CCSAP: variants seen among roughly 807,000 people sequenced by gnomAD.
CCSAP encodes the protein centriole, cilia and spindle associated protein.
A neutral mutation model predicts 25.9 loss-of-function variants in CCSAP; 17 were observed. The observed-to-expected ratio is 0.66, with a 90% CI of 0.45 to 0.99. The LOEUF is 0.99. Among genes scored for constraint, CCSAP ranks in the 50% least tolerant of loss-of-function variants. The pLI is 0.00. For synonymous variants in CCSAP, 169 were observed against 157.1 expected, an observed-to-expected ratio of 1.08 and a Z score of -0.57; for missense variants, 339 against 367.8, an observed-to-expected ratio of 0.92 and a Z score of 0.64.
In CCSAP at chr1:229,342,410, C is replaced by T; in HGVS notation, c.56G>A (p.Arg19His). Residue 19 changes from arginine to histidine, a missense_variant, in exon 2 of 4, where the codon CGC becomes CAC. Physicochemically the swap from Arg to His is conservative, Grantham distance 29 (BLOSUM62 0). Transcript: ENST00000284617. This position sits in a 1 kb window ranked among gnomAD's most constrained non-coding sequence, Gnocchi z 7.5. ...SEYMKRYQEP[R>H]WEEYGPCYRE... is the part of the protein sequence containing the mutation. ...GTAGCACGGCCCGTACTCCTCCCAG[C>T]GCGGCTCCTGGTAGCGCTTCATGTA... 1 of 1,458,720 alleles carries T rather than the reference C, an allele frequency of 6.9e-7. No individual in the cohort carries two copies. 90.4% of individuals were successfully genotyped at this position (1,458,720 alleles called of 1,614,324 possible). A position where few individuals can be genotyped will look rare whatever the true frequency, so the allele number is the denominator to read the frequency against.
At position 229,342,013 on chromosome 1, in the gene CCSAP, G is replaced by T; in HGVS notation, c.367+86C>A. 1 of 1,252,880 alleles carries T rather than the reference G, an allele frequency of 8.0e-7. No homozygotes were observed. Among genetic ancestry groups the T allele is most frequent in the Non-Finnish European group, 1.0e-6 (1 of 998,014 alleles). The allele number at this position is 1,252,880 out of a possible 1,614,324, so 77.6% of individuals were successfully genotyped here. A position where few individuals can be genotyped will look rare whatever the true frequency, so the allele number is the denominator to read the frequency against. ...AAAGGAAGAGCCAGCCCCGAGTGGC[G>T]CAAGAAATAAGAGATCAGCTGCTCA... is the stretch of plus-strand genomic sequence containing the variant. On this transcript the variant is annotated intron_variant, in intron 2 of 3. Coordinates refer to ENST00000284617, the MANE Select transcript of CCSAP (RefSeq NM_145257.5). The surrounding 1 kb of genome is among the most constrained non-coding windows in gnomAD (Gnocchi z 7.5).
chr1:229,323,978 A>T lies in CCSAP; in HGVS notation c.*1257T>A, dbSNP rs1271914797. The stretch of plus-strand genomic sequence containing the variant: ...CTTGTCTCCACAGGATGGAGAAGAC[A>T]TCATTCATTTGATGGAAACCAGTGT... On this transcript the variant is annotated 3_prime_UTR_variant, in exon 4 of 4. Coordinates refer to ENST00000284617, the MANE Select transcript of CCSAP (RefSeq NM_145257.5). 1 of 152,602 alleles carries T rather than the reference A, an allele frequency of 6.6e-6. No individual in the cohort carries two copies. The highest frequency in any genetic ancestry group is 1.5e-5 in the Non-Finnish European group (1 of 68,050). 9.5% of individuals were successfully genotyped at this position (152,602 alleles called of 1,614,324 possible). A position where few individuals can be genotyped will look rare whatever the true frequency, so the allele number is the denominator to read the frequency against.
At chr1:229,335,468 A>C (rs1459106705) in intron 2 of CCSAP, among the ~76,000 whole-genome samples, 3 of 152,136 alleles carry the variant, frequency 2.0e-5, no homozygotes, top group African/African-American at 7.2e-5. Context: ...TGCTCTGTTG[A>C]GAGTTGGGAT....
intron 2 of CCSAP, among the ~76,000 whole-genome samples, chr1:229,333,387 C>G (rs923108305): frequency 2.8e-5 from 4 of 143,654 alleles, no homozygotes; most frequent in Non-Finnish European, 6.0e-5. Flanking sequence ...GAGCCGAGAT[C>G]GCGCCACTGC....
chr1:229,342,558 C>T lies in CCSAP; in HGVS notation c.-48-45G>A, dbSNP rs548055731. On this transcript the variant is annotated intron_variant, in intron 1 of 3. Transcript: ENST00000284617. This position sits in a 1 kb window ranked among gnomAD's most constrained non-coding sequence, Gnocchi z 7.5. The stretch of plus-strand genomic sequence containing the variant: ...ACACAGAGGCCGCCCCGCCCCTCCG[C>T]CGGCCCTGCCCGCCGCGACGTTTAA... 1.1e-3 allele frequency: 910 copies of T among 839,558 alleles called. 1 individual carries two copies. Among genetic ancestry groups the T allele is most frequent in the Middle Eastern group, 7.8e-3 (19 of 2,438 alleles). The allele number at this position is 839,558 out of a possible 1,614,324, so 52.0% of individuals were successfully genotyped here.
intron 2 of CCSAP, among the ~76,000 whole-genome samples, chr1:229,337,994 T>G (rs1459607993): frequency 1.3e-5 from 2 of 152,044 alleles, no homozygotes; most frequent in African/African-American, 4.8e-5. Context: ...AAACCATAAA[T>G]TTTAACAAAA....
At chr1:229,341,988 A>C (rs1658342883) in intron 2 of CCSAP, 111 bp downstream of exon 2, 1 of 1,220,478 alleles carries the variant, frequency 8.2e-7, no homozygotes, top group Non-Finnish European at 1.0e-6. Flanking sequence ...GAAAAAAAAA[A>C]AAGGAAGAGC....
Position 229,338,568 on chromosome 1 carries a change from C to CAG in CCSAP, c.367+3530_367+3531insCT, listed in dbSNP as rs775155751. Among the ~76,000 whole-genome samples the CAG allele has an allele frequency of 3.4e-3, 509 of 150,910 alleles. 1 individual carries two copies. Among genetic ancestry groups the CAG allele is most frequent in the Non-Finnish European group, 5.1e-3 (342 of 67,368 alleles). On this transcript the variant is annotated intron_variant, in intron 2 of 3. Transcript: ENST00000284617. ...ACACACACACACACACACACACACA[C>CAG]ACACACAGAATTTCCTAACAGCTTT... is the stretch of plus-strand genomic sequence containing the variant.
At position 229,321,079 on chromosome 1, in the gene CCSAP, A is replaced by G. The variant is rs1657807224; in HGVS notation, c.*4156T>C. On this transcript the variant is annotated 3_prime_UTR_variant, in exon 4 of 4. Coordinates refer to ENST00000284617, the MANE Select transcript of CCSAP (RefSeq NM_145257.5). ...ACAATATTAACTATAAGCTAAAAAC[A>G]ATACATAGTTCTTAGAAAATACAAC... The G allele has an allele frequency of 6.6e-6, 1 of 152,238 alleles. No individual in the cohort carries two copies. The highest frequency in any genetic ancestry group is 1.5e-5 in the Non-Finnish European group (1 of 68,046). 9.4% of individuals were successfully genotyped at this position (152,238 alleles called of 1,614,324 possible).
intron 2 of CCSAP, among the ~76,000 whole-genome samples, chr1:229,341,479 G>A (rs1658333648): frequency 6.6e-6 from 1 of 152,314 alleles, no homozygotes; most frequent in Admixed American, 6.5e-5. Flanking sequence ...CAGCGCCACC[G>A]GCGCTTTCGG....
In CCSAP at chr1:229,325,072, A is replaced by G; in HGVS notation, c.*163T>C. The G allele has an allele frequency of 1.6e-6, 1 of 631,476 alleles. No homozygotes were observed. Among genetic ancestry groups the G allele is most frequent in the Non-Finnish European group, 2.6e-6 (1 of 383,928 alleles). 39.1% of individuals were successfully genotyped at this position (631,476 alleles called of 1,614,324 possible). The stretch of plus-strand genomic sequence containing the variant: ...GCCCTACTGCCGAGGTAGGTGACCA[A>G]TATTCATCAAAATAAAACAATCTTT... On this transcript the variant is annotated 3_prime_UTR_variant, in exon 4 of 4. Coordinates refer to ENST00000284617, the MANE Select transcript of CCSAP (RefSeq NM_145257.5).
intron 2 of CCSAP, among the ~76,000 whole-genome samples, chr1:229,337,686 T>TAG (rs1558252352): frequency 2.2e-5 from 1 of 45,304 alleles, no homozygotes; most frequent in Non-Finnish European, 4.8e-5. Flanking sequence ...AAAATATATA[T>TAG]ATATATATAT....
Position 229,324,260 on chromosome 1 carries a change from C to T in CCSAP, c.*975G>A, listed in dbSNP as rs1038271500. On this transcript the variant is annotated 3_prime_UTR_variant, in exon 4 of 4. Coordinates refer to ENST00000284617, the MANE Select transcript of CCSAP (RefSeq NM_145257.5). ...GCAGTCTATCTAACAGGCATCTTCA[C>T]ACTGGTCCCCATCCCAGTGGAACAA... The T allele has an allele frequency of 6.6e-6, 1 of 152,470 alleles. No individual in the cohort carries two copies. The highest frequency in any genetic ancestry group is 1.5e-5 in the Non-Finnish European group (1 of 68,034). 9.4% of individuals were successfully genotyped at this position (152,470 alleles called of 1,614,324 possible).
chr1:229,341,499 G>A (rs1353394681), intron 2 of CCSAP, among the ~76,000 whole-genome samples: 1 of 152,236 alleles, frequency 6.6e-6, no homozygotes, highest in Non-Finnish European at 1.5e-5. Flanking sequence ...GATCTGGACA[G>A]GCGAGGGAGG....
rs535667990 is a variant in CCSAP, at chr1:229,326,610, C to A, written c.636+128G>T. On this transcript the variant is annotated intron_variant, in intron 3 of 3. Transcript: ENST00000284617. ...TTCTGGAGTTCCCCAACCCACCATG[C>A]TATCCCCTAAGATCTCCCATGGGCC... 3.5e-5 allele frequency: 38 copies of A among 1,095,024 alleles called. No individual in the cohort carries two copies. The East Asian group carries it at 9.0e-4, about 26-fold the overall frequency. 67.8% of individuals were successfully genotyped at this position (1,095,024 alleles called of 1,614,324 possible). A position where few individuals can be genotyped will look rare whatever the true frequency, so the allele number is the denominator to read the frequency against.
At chr1:229,341,831 C>A (rs1015105285) in intron 2 of CCSAP, among the ~76,000 whole-genome samples, 1 of 152,056 alleles carries the variant, frequency 6.6e-6, no homozygotes, top group Non-Finnish European at 1.5e-5. Flanking sequence ...GCCGCAGAGG[C>A]CCGCGAGGAA....
chr1:229,326,955 C>G lies in CCSAP; in HGVS notation c.419G>C (p.Arg140Thr), dbSNP rs1262397944. The change falls in exon 3 of 4, where the codon AGA becomes ACA. Residue 140 changes from arginine (R) to threonine (T), a missense_variant. Physicochemically the swap from Arg to Thr is moderately conservative, Grantham distance 71. Transcript: ENST00000284617. The part of the protein sequence containing the change: ...EDKPEQQTRT[R>T]ETDKSPTSTE... ...ACTGGTGGGTGATTTGTCAGTCTCT[C>G]TTGTTCTGGTTTGTTGTTCAGGTTT... The G allele has an allele frequency of 1.9e-6, 3 of 1,614,066 alleles. No homozygotes were observed. The highest frequency in any genetic ancestry group is 2.5e-6 in the Non-Finnish European group (3 of 1,180,052).
intron 3 of CCSAP, 93 bp from the exon 4 acceptor site, chr1:229,325,504 A>G: frequency 8.3e-7 from 1 of 1,203,490 alleles, no homozygotes; most frequent in Non-Finnish European, 1.2e-6. Context: ...CTGCCAGGTC[A>G]ACTGCAGCAG....
In CCSAP at chr1:229,326,531, C is replaced by T. The variant is rs553314322; in HGVS notation, c.636+207G>A. 9.8e-5 allele frequency among the ~76,000 whole-genome samples: 15 copies of T among 152,356 alleles called. No homozygotes were observed. In the South Asian group the frequency reaches 1.0e-3, roughly 11 times the overall value. ...TGGGTAACTCCAAGCCAAAACCCCT[C>T]GCTCTGCAGGCCACCAACATGCAGA... On this transcript the variant is annotated intron_variant, in intron 3 of 3. Transcript: ENST00000284617.
Sources: gnomAD v4.1 joint callset for allele counts (sites outside exome capture counted in the v4.1 genomes callset) on GRCh38, gnomAD v4.1.1 for gene constraint, Gnocchi (gnomAD v3.1) non-coding constraint, MANE v1.5 for transcripts, NCBI Gene and HGNC (gene_info 2026-07-23, HGNC 2026-07-21) for gene names.